Variants in EVL observed in about 807,000 individuals in gnomAD.
The protein encoded by EVL is ena/VASP-like protein.
In EVL, 21 loss-of-function variants were observed where a neutral mutation model predicts 59.6. That is an observed-to-expected ratio of 0.35 (90% CI 0.25 to 0.51). The LOEUF (loss-of-function observed/expected upper bound fraction) is 0.51, where lower values mean the gene tolerates loss of function less well. EVL is among the 20% of genes least tolerant of loss of function. EVL has a pLI of 0.97. For missense variants in EVL, 462 were observed against 546.6 expected (o/e 0.85, Z 1.54); for synonymous variants, 198 against 203.5 (o/e 0.97, Z 0.23).
chr14:100,053,151 G>A (rs1203996427), intron 1 of EVL, among the ~76,000 whole-genome samples: 2 of 152,160 alleles, frequency 1.3e-5, no homozygotes, highest in African/African-American at 4.8e-5. Context: ...TGAGGGTTAG[G>A]GCTTCAACAT....
chr14:100,129,786 G>C (rs922427261), intron 7 of EVL, 102 bp downstream of exon 7: 14 of 1,412,594 alleles, frequency 9.9e-6, no homozygotes, highest in Non-Finnish European at 1.3e-5. Flanking sequence ...CAGAATCTTT[G>C]TTCCCTGGGT....
At chr14:99,993,997 A>AT (rs2060894126) in intron 1 of EVL, among the ~76,000 whole-genome samples, 1 of 147,160 alleles carries the variant, frequency 6.8e-6, no homozygotes, top group African/African-American at 2.5e-5. Context: ...CCCAGCCCAG[A>AT]TTTTTTTATT....
chr14:100,005,132 C>G (rs1417231407), intron 1 of EVL, among the ~76,000 whole-genome samples: 1 of 152,238 alleles, frequency 6.6e-6, no homozygotes, highest in East Asian at 1.9e-4. Flanking sequence ...CCGCCTCCAT[C>G]TTGCTTCTAA....
intron 1 of EVL, among the ~76,000 whole-genome samples, chr14:100,028,672 A>G (rs1221915953): frequency 6.6e-6 from 1 of 152,162 alleles, no homozygotes; most frequent in East Asian, 1.9e-4. Context: ...TCAGCGAGGC[A>G]TGGTGACACG....
At chr14:100,057,673 T>C (rs2061755889) in intron 1 of EVL, among the ~76,000 whole-genome samples, 1 of 152,190 alleles carries the variant, frequency 6.6e-6, no homozygotes, top group Admixed American at 6.5e-5. Flanking sequence ...CTGGCTGAGC[T>C]ATTTTAGTGT....
At chr14:99,993,852 C>T (rs113526188) in intron 1 of EVL, among the ~76,000 whole-genome samples, 130 of 151,432 alleles carry the variant, frequency 8.6e-4, no homozygotes, top group Admixed American at 3.2e-3. Context: ...CCACCATGCC[C>T]GACTAATTTT....
rs74366660 is a variant in EVL at position 100,014,215 on chromosome 14, A to G, written c.5+42158A>G. Among the ~76,000 whole-genome samples, 1,756 of 152,240 alleles carry G rather than the reference A, an allele frequency of 0.012. 82 individuals carry two copies. In the East Asian group the frequency reaches 0.16, roughly 14 times the overall value. On this transcript the variant is annotated intron_variant, in intron 1 of 13. Transcript: ENST00000402714. ...CCCATGAACATCCCCAACCCTTCCCAGCCTCTGGTAACCATCATTCTACTC... is the reference window on the plus strand; with the variant it reads ...CCCATGAACATCCCCAACCCTTCCCGGCCTCTGGTAACCATCATTCTACTC...
intron 11 of EVL, chr14:100,140,158 A>G (rs1889075250): frequency 6.6e-6 from 1 of 151,926 alleles, no homozygotes; most frequent in Admixed American, 6.6e-5. Flanking sequence ...GGCTCACTTG[A>G]GCCTGGGAGG....
intron 1 of EVL, among the ~76,000 whole-genome samples, chr14:100,019,999 G>C (rs776451612): frequency 1.3e-5 from 2 of 152,188 alleles, no homozygotes; most frequent in Non-Finnish European, 1.5e-5. Flanking sequence ...AATAGCAACT[G>C]TGTGTCCAGA....
intron 1 of EVL, among the ~76,000 whole-genome samples, chr14:99,988,924 G>T (rs2060858478): frequency 6.6e-6 from 1 of 152,112 alleles, no homozygotes; most frequent in Non-Finnish European, 1.5e-5. Flanking sequence ...TGGGGCTGAG[G>T]GTCAGTTTGA....
At chr14:100,038,246 A>G (rs2061415857) in intron 1 of EVL, among the ~76,000 whole-genome samples, 3 of 152,244 alleles carry the variant, frequency 2.0e-5, no homozygotes, top group Admixed American at 6.5e-5. Context: ...TTAAAATCTG[A>G]AGAAGTTGTG....
At chr14:100,082,608 A>T (rs1186636078) in intron 1 of EVL, among the ~76,000 whole-genome samples, 33 of 152,372 alleles carry the variant, frequency 2.2e-4, no homozygotes, top group Middle Eastern at 3.4e-3. Flanking sequence ...CTCAGTGTGG[A>T]CTTGTGAGGG....
At chr14:100,063,442 C>CT (rs1294710498), upstream of EVL, among the ~76,000 whole-genome samples, 1 of 152,198 alleles carries the variant, frequency 6.6e-6, no homozygotes, top group African/African-American at 2.4e-5. Flanking sequence ...TTACAAAACT[C>CT]TAAGATAATA....
chr14:100,141,602 C>G, intron 12 of EVL, 134 bp from the exon 13 acceptor site: 1 of 777,226 alleles, frequency 1.3e-6, no homozygotes, highest in South Asian at 2.0e-5. Context: ...AAGGGGGCCA[C>G]GAGGAGACAA....
intron 1 of EVL, among the ~76,000 whole-genome samples, chr14:99,995,845 A>G (rs756400411): frequency 4.6e-5 from 7 of 151,820 alleles, no homozygotes; most frequent in South Asian, 2.1e-4. Flanking sequence ...AGGTTTACCT[A>G]TTTGTACTCA....
intron 1 of EVL, among the ~76,000 whole-genome samples, chr14:100,073,869 T>C (rs1035425365): frequency 2.6e-5 from 4 of 152,016 alleles, no homozygotes; most frequent in Non-Finnish European, 5.9e-5. Context: ...ACCTGCCTCA[T>C]GGAGGCACTT....
chr14:100,046,564 G>A (rs2061548970), intron 1 of EVL, among the ~76,000 whole-genome samples: 1 of 151,936 alleles, frequency 6.6e-6, no homozygotes, highest in Non-Finnish European at 1.5e-5. Context: ...CTACTCGGGA[G>A]TCTGAGGTGG....
At chr14:100,046,715 T>A (rs2061552178) in intron 1 of EVL, among the ~76,000 whole-genome samples, 1 of 150,168 alleles carries the variant, frequency 6.7e-6, no homozygotes, top group South Asian at 2.1e-4. Context: ...TATGGAGGCC[T>A]GGGCTAAACG....
chr14:100,142,414 C>T (rs1316015997), intron 13 of EVL, among the ~76,000 whole-genome samples: 1 of 152,232 alleles, frequency 6.6e-6, no homozygotes, highest in Admixed American at 6.5e-5. Flanking sequence ...CTCAGATCTG[C>T]AGCCAGAGGA....
Sources: allele counts gnomAD v4.1 joint callset (sites outside exome capture counted in the v4.1 genomes callset), GRCh38; gene constraint gnomAD v4.1.1; transcripts MANE v1.5; gene names NCBI Gene and HGNC (gene_info 2026-07-23, HGNC 2026-07-21).